Variants in PIAS2 observed in about 807,000 individuals in gnomAD.
PIAS2 encodes the protein protein inhibitor of activated STAT 2.
In PIAS2, 19 loss-of-function variants were observed where a neutral mutation model predicts 69.7. The ratio of observed to expected loss-of-function variants is 0.27; its 90% confidence interval spans 0.19 to 0.40. PIAS2 has a LOEUF of 0.40. Among genes scored for constraint, PIAS2 ranks in the 10% least tolerant of loss-of-function variants. The pLI is 1.00. For synonymous variants in PIAS2, 261 were observed against 263.2 expected (o/e 0.99, Z 0.08); for missense variants, 624 against 757.0 (o/e 0.82, Z 2.06).
intron 9 of PIAS2, among the ~76,000 whole-genome samples, chr18:46,833,814 G>T (rs763549577): frequency 3.3e-5 from 5 of 152,168 alleles, no homozygotes; most frequent in Admixed American, 6.6e-5. Flanking sequence ...GTATTTACAA[G>T]AAATGTATTA....
At chr18:46,861,218 G>A (rs1379397999) in intron 3 of PIAS2, among the ~76,000 whole-genome samples, 11 of 152,126 alleles carry the variant, frequency 7.2e-5, no homozygotes, top group Non-Finnish European at 4.4e-5. Context: ...CAACCTGGGC[G>A]ACGGAGTGAG....
chr18:46,892,458 C>T (rs2054209045), intron 1 of PIAS2, among the ~76,000 whole-genome samples: 1 of 152,064 alleles, frequency 6.6e-6, no homozygotes, highest in Non-Finnish European at 1.5e-5. Context: ...ACACATTAAA[C>T]CTCCTAGTAG....
chr18:46,842,278 A>C (rs1252501593), intron 8 of PIAS2, among the ~76,000 whole-genome samples: 1 of 93,844 alleles, frequency 1.1e-5, no homozygotes, highest in Non-Finnish European at 2.2e-5. Flanking sequence ...TTATGAATGC[A>C]AAAAAAAAAA....
At chr18:46,865,233 C>A (rs530653971) in intron 2 of PIAS2, among the ~76,000 whole-genome samples, 1 of 152,160 alleles carries the variant, frequency 6.6e-6, no homozygotes, top group Non-Finnish European at 1.5e-5. Flanking sequence ...ACAATTGCAA[C>A]ATCACCCAAG....
intron 3 of PIAS2, among the ~76,000 whole-genome samples, chr18:46,860,822 T>C (rs1244795816): frequency 6.6e-6 from 1 of 151,882 alleles, no homozygotes; most frequent in Non-Finnish European, 1.5e-5. Flanking sequence ...ATAAAAAACA[T>C]AAAAATTAGC....
At chr18:46,815,420 T>G in intron 12 of PIAS2, 71 bp from the exon 13 acceptor site, 2 of 1,604,502 alleles carry the variant, frequency 1.2e-6, no homozygotes, top group Non-Finnish European at 1.7e-6. Flanking sequence ...CTAAATCATC[T>G]TTATCACAAA....
intron 5 of PIAS2, among the ~76,000 whole-genome samples, chr18:46,847,886 T>C (rs1178727213): frequency 4.6e-5 from 7 of 152,198 alleles, no homozygotes; most frequent in Non-Finnish European, 1.0e-4. Flanking sequence ...CAAAATAATA[T>C]ATTTTTTAGA....
chr18:46,911,405 G>C (rs754442341), intron 1 of PIAS2, among the ~76,000 whole-genome samples: 2 of 151,886 alleles, frequency 1.3e-5, no homozygotes, highest in Admixed American at 6.6e-5. Flanking sequence ...TAGTAGAGAC[G>C]GGGTTTCACC....
At chr18:46,920,063 A>G (rs2058451147), upstream of PIAS2, 2 of 1,289,516 alleles carry the variant, frequency 1.6e-6, no homozygotes, top group Non-Finnish European at 2.0e-6. Flanking sequence ...ACTTACGTGC[A>G]GTGTTCTTTG....
At chr18:46,835,291 T>C (rs1028156906) in intron 9 of PIAS2, among the ~76,000 whole-genome samples, 5 of 152,214 alleles carry the variant, frequency 3.3e-5, no homozygotes, top group African/African-American at 1.2e-4. Flanking sequence ...TGGGTCATAG[T>C]TACATGGGAG....
intron 8 of PIAS2, among the ~76,000 whole-genome samples, chr18:46,840,712 A>G (rs72907164): frequency 0.058 from 8,794 of 152,276 alleles, 301 homozygotes; most frequent in Non-Finnish European, 0.081. Context: ...CCTAGTGACT[A>G]TGGCATGTTA....
intron 11 of PIAS2, among the ~76,000 whole-genome samples, chr18:46,823,803 G>GTT (rs1257390177): frequency 1.3e-5 from 2 of 152,184 alleles, no homozygotes; most frequent in African/African-American, 4.8e-5. Context: ...GTAGTCATTA[G>GTT]TTAGGATTAT....
chr18:46,855,426 C>G lies in PIAS2; in HGVS notation c.645G>C (p.Leu215=). 1 of 1,611,364 alleles carries G rather than the reference C, an allele frequency of 6.2e-7. No homozygotes were observed. The highest frequency in any genetic ancestry group is 1.3e-5 in the African/African-American group (1 of 74,872). Reference sequence around the variant, plus strand: ...CTTCTTGAGGGCAACTTGTCTCTGCCAGGCAAAGTCTGCATTAATAAAAGA... The same window carrying G: ...CTTCTTGAGGGCAACTTGTCTCTGCGAGGCAAAGTCTGCATTAATAAAAGA... The part of the protein sequence containing the change: ...YTVQVQLRLC[L]AETSCPQEDN... The change falls in exon 5 of 14, where the codon CTG becomes CTC. Residue 215 remains leucine (L), a synonymous_variant. Coordinates refer to ENST00000585916, the MANE Select transcript of PIAS2 (RefSeq NM_004671.5).
chr18:46,884,800 C>G (rs1277593816), intron 2 of PIAS2, among the ~76,000 whole-genome samples: 1 of 151,910 alleles, frequency 6.6e-6, no homozygotes, highest in South Asian at 2.1e-4. Flanking sequence ...GCCTGTAATC[C>G]CAGCTACTCG....
Position 46,806,356 on chromosome 18 carries a change from T to G in PIAS2, c.*6077A>C, listed in dbSNP as rs1415808144. 454 of 89,008 alleles carry G rather than the reference T, an allele frequency of 5.1e-3. 21 individuals carry two copies. Among genetic ancestry groups the G allele is most frequent in the African/African-American group, 0.022 (421 of 19,056 alleles). 5.5% of individuals were successfully genotyped at this position (89,008 alleles called of 1,614,324 possible). On this transcript the variant is annotated 3_prime_UTR_variant, in exon 14 of 14. Transcript: ENST00000585916. ...ATTCTTTGCACAATGCCTGTTACTT[T>G]TTTTTTTTTTTTTTTTTTTTTTTTT...
intron 7 of PIAS2, 42 bp from the exon 8 acceptor site, chr18:46,844,169 G>A: frequency 1.9e-6 from 2 of 1,029,228 alleles, no homozygotes; most frequent in South Asian, 1.9e-5. Context: ...AAAAATTAAG[G>A]GTGACAAAGA....
At chr18:46,912,553 CAG>C (rs1473445507) in intron 1 of PIAS2, among the ~76,000 whole-genome samples, 1 of 151,958 alleles carries the variant, frequency 6.6e-6, no homozygotes, top group African/African-American at 2.4e-5. Flanking sequence ...GGTCAATAAA[CAG>C]AAATTTATAA....
rs1200559635 is a variant in PIAS2, at chr18:46,807,378, TATATA to T, written c.*5050_*5054del. 1.9e-3 allele frequency: 63 copies of T among 33,602 alleles called. No homozygotes were observed. The highest frequency in any genetic ancestry group is 7.8e-3 in the African/African-American group (41 of 5,232). The allele number at this position is 33,602 out of a possible 1,614,324, so 2.1% of individuals were successfully genotyped here. A position where few individuals can be genotyped will look rare whatever the true frequency, so the allele number is the denominator to read the frequency against. ...TTTTATATATATATATATATATATA[TATATA>T]TTTTTTTTTTTTTTTTTTTTTTTTT... On this transcript the variant is annotated 3_prime_UTR_variant, in exon 14 of 14. Transcript: ENST00000585916.
At chr18:46,863,553 A>G (rs1292219409) in intron 3 of PIAS2, among the ~76,000 whole-genome samples, 1 of 152,134 alleles carries the variant, frequency 6.6e-6, no homozygotes, top group Non-Finnish European at 1.5e-5. Context: ...CCACCTCCCA[A>G]AGTGCTAGGA....
Sources: gnomAD v4.1 joint callset for allele counts (sites outside exome capture counted in the v4.1 genomes callset) on GRCh38, gnomAD v4.1.1 for gene constraint, MANE v1.5 for transcripts, NCBI Gene and HGNC (gene_info 2026-07-23, HGNC 2026-07-21) for gene names.